Variants in ZNG1B observed in about 807,000 individuals in gnomAD.
ZNG1B encodes the protein Zn regulated GTPase metalloprotein activator 1B.
the ZNG1B span, chr2:113,441,802 C>T: frequency 5.1e-6 from 1 of 196,152 alleles, no homozygotes; most frequent in Non-Finnish European, 1.1e-5. Flanking sequence ...TGCAGTGGTG[C>T]AATCTCAGCT....
At chr2:113,478,611 C>CA in the ZNG1B span, among the ~76,000 whole-genome samples, 1 of 151,266 alleles carries the variant, frequency 6.6e-6, no homozygotes, top group Non-Finnish European at 1.5e-5. Context: ...TTGCCTTAGC[C>CA]ATGCCCTTAA....
the ZNG1B span, chr2:113,495,998 A>G: frequency 5.8e-6 from 2 of 343,972 alleles, no homozygotes; most frequent in Non-Finnish European, 1.0e-5. Flanking sequence ...TGGAGTTTAC[A>G]TATACTGAAC....
At chr2:113,483,044 TCTTCA>T in the ZNG1B span, among the ~76,000 whole-genome samples, 1 of 150,722 alleles carries the variant, frequency 6.6e-6, no homozygotes, top group African/African-American at 2.4e-5. Flanking sequence ...AGGATATTCC[TCTTCA>T]CTTATCTTTA....
chr2:113,455,590 C>T, the ZNG1B span: 1 of 1,287,178 alleles, frequency 7.8e-7, no homozygotes, highest in Non-Finnish European at 1.0e-6. Context: ...AGAATGAAAT[C>T]ATCCCACCCA....
At chr2:113,439,261 A>G in the ZNG1B span, 41 of 1,465,140 alleles carry the variant, frequency 2.8e-5, no homozygotes, top group Middle Eastern at 2.4e-4. Flanking sequence ...TTTGGCTTCT[A>G]TTACATTTTT....
the ZNG1B span, among the ~76,000 whole-genome samples, chr2:113,492,180 C>T: frequency 1.4e-5 from 2 of 139,780 alleles, 1 homozygote; most frequent in South Asian, 4.8e-4. Flanking sequence ...GAAAAAGATA[C>T]GTGCACACGC....
chr2:113,472,935 G>A, the ZNG1B span, among the ~76,000 whole-genome samples: 1 of 151,074 alleles, frequency 6.6e-6, no homozygotes, highest in Non-Finnish European at 1.5e-5. Flanking sequence ...CTCCAGCTTT[G>A]TTCTTTTGGC....
chr2:113,446,772 GCACA>G, the ZNG1B span, among the ~76,000 whole-genome samples: 8,033 of 143,298 alleles, frequency 0.056, 451 homozygotes, highest in African/African-American at 0.19. Flanking sequence ...ACATGCACAC[GCACA>G]CACACACACA....
chr2:113,462,307 TTA>T, the ZNG1B span: 1 of 1,288,096 alleles, frequency 7.8e-7, no homozygotes. Context: ...TGAGGCGTTT[TTA>T]TTTATTTTTA....
chr2:113,446,797 TAC>T, the ZNG1B span, among the ~76,000 whole-genome samples: 42 of 143,444 alleles, frequency 2.9e-4, no homozygotes, highest in African/African-American at 6.4e-4. Context: ...CACACATTCA[TAC>T]ACACACACAC....
the ZNG1B span, among the ~76,000 whole-genome samples, chr2:113,467,568 TG>T: frequency 9.5e-6 from 1 of 105,178 alleles, no homozygotes; most frequent in Non-Finnish European, 1.8e-5. Context: ...GATCAGTCAT[TG>T]GGGGGAAACA....
the ZNG1B span, among the ~76,000 whole-genome samples, chr2:113,464,832 C>A: frequency 6.4e-3 from 968 of 151,818 alleles, 1 homozygote; most frequent in Middle Eastern, 0.01. Context: ...ATGATTTTTT[C>A]TAAAGTGAAG....
the ZNG1B span, among the ~76,000 whole-genome samples, chr2:113,490,564 A>G: frequency 6.6e-6 from 1 of 152,134 alleles, no homozygotes; most frequent in Non-Finnish European, 1.5e-5. Context: ...TTGAAAAGAT[A>G]AATAAAATTG....
the ZNG1B span, chr2:113,465,362 G>C: frequency 4.0e-6 from 2 of 496,946 alleles, no homozygotes; most frequent in Non-Finnish European, 7.2e-6. Flanking sequence ...TAGTACATTT[G>C]CCTGTCTTCA....
the ZNG1B span, among the ~76,000 whole-genome samples, chr2:113,453,814 A>G: frequency 2.7e-5 from 4 of 147,148 alleles, no homozygotes; most frequent in African/African-American, 7.7e-5. Context: ...TGCCCTTAAT[A>G]TAATGTTAGA....
chr2:113,478,921 AGT>A, the ZNG1B span, among the ~76,000 whole-genome samples: 1 of 150,962 alleles, frequency 6.6e-6, no homozygotes, highest in African/African-American at 2.4e-5. Context: ...TAAACTTGTC[AGT>A]GATACAGTTA....
the ZNG1B span, chr2:113,454,775 A>T: frequency 5.7e-6 from 9 of 1,571,562 alleles, no homozygotes; most frequent in African/African-American, 1.1e-4. Context: ...AATATGGATT[A>T]AAAGTAAGTT....
the ZNG1B span, among the ~76,000 whole-genome samples, chr2:113,439,874 A>ATTTTTTT: frequency 3.2e-4 from 22 of 68,880 alleles, 1 homozygote; most frequent in Non-Finnish European, 4.8e-4. Flanking sequence ...CCTTCCCTTA[A>ATTTTTTT]TTTTTTTTTT....
At chr2:113,489,474 C>T in the ZNG1B span, among the ~76,000 whole-genome samples, 1 of 152,024 alleles carries the variant, frequency 6.6e-6, no homozygotes, top group Admixed American at 6.6e-5. Context: ...ACAAGGTATA[C>T]AGGCAACAAA....
Sources: allele counts gnomAD v4.1 joint callset (sites outside exome capture counted in the v4.1 genomes callset), GRCh38; gene constraint gnomAD v4.1.1; transcripts MANE v1.5; gene names NCBI Gene and HGNC (gene_info 2026-07-23, HGNC 2026-07-21).